Variants in ZNF562 observed in about 807,000 individuals in gnomAD.
ZNF562 encodes the protein zinc finger protein 562.
ZNF562 carries 13 observed loss-of-function variants against 17.5 expected under a neutral mutation model. The observed-to-expected ratio is 0.74, with a 90% CI of 0.48 to 1.18. The LOEUF is 1.18. Among genes scored for constraint, ZNF562 ranks in the 50% most tolerant of loss-of-function variants. ZNF562 has a pLI of 0.00. For missense variants in ZNF562, 481 were observed against 498.5 expected, an observed-to-expected ratio of 0.96 and a Z score of 0.33; for synonymous variants, 163 against 165.4, an observed-to-expected ratio of 0.99 and a Z score of 0.11.
rs149405775 is a variant in ZNF562 at position 9,653,889 on chromosome 19, G to A, written c.349-8C>T. 1.4e-4 allele frequency: 215 copies of A among 1,524,776 alleles called. 1 individual carries two copies. In the African/African-American group the frequency reaches 2.5e-3, roughly 18 times the overall value. The allele number at this position is 1,524,776 out of a possible 1,614,324, so 94.5% of individuals were successfully genotyped here. ...ACTGTAGCTTCTTGTCTGCTGATGA[G>A]GGGATAAAGGATTTAAAATGTTTTC... On this transcript the variant is annotated splice_polypyrimidine_tract_variant and splice_region_variant and intron_variant, in intron 5 of 5. Coordinates refer to ENST00000453372, the MANE Select transcript of ZNF562 (RefSeq NM_001130031.2).
chr19:9,669,728 G>GTGCACA (rs1555699512), intron 1 of ZNF562, among the ~76,000 whole-genome samples: 1 of 84,808 alleles, frequency 1.2e-5, no homozygotes, highest in African/African-American at 4.6e-5. Context: ...GCGCGCGCGC[G>GTGCACA]CGCGCGCACA....
rs947492856 is a variant in ZNF562, at chr19:9,644,090, T to C, written c.*8859A>G. The C allele has an allele frequency of 2.0e-5, 3 of 152,062 alleles. No homozygotes were observed. Among genetic ancestry groups the C allele is most frequent in the Non-Finnish European group, 2.9e-5 (2 of 67,994 alleles). 9.4% of individuals were successfully genotyped at this position (152,062 alleles called of 1,614,324 possible). A position where few individuals can be genotyped will look rare whatever the true frequency, so the allele number is the denominator to read the frequency against. On this transcript the variant is annotated 3_prime_UTR_variant, in exon 6 of 6. Coordinates refer to ENST00000453372, the MANE Select transcript of ZNF562 (RefSeq NM_001130031.2). ...TTACAGGCATGTGAGCCACCGTACC[T>C]GGCTTACTTAGTGAATTTGTACCAA...
intron 5 of ZNF562, 94 bp downstream of exon 5, chr19:9,656,453 G>A: frequency 1.4e-6 from 2 of 1,392,792 alleles, no homozygotes; most frequent in Non-Finnish European, 2.0e-6. Context: ...AGGTTGCGGT[G>A]AGCTGAGATG....
In ZNF562 at chr19:9,653,048, G is replaced by A; in HGVS notation, c.1182C>T (p.His394=). Reference sequence around the variant, plus strand: ...CACATTCATAAGGCTTCTCTCCTGTGTGAATTCTTCTATGTTGAGTAAGCG... The same window carrying A: ...CACATTCATAAGGCTTCTCTCCTGTATGAATTCTTCTATGTTGAGTAAGCG... ...SSTLTQHRRI[H]TGEKPYECVE... is the part of the protein sequence containing the mutation. Residue 394 remains histidine (H), a synonymous_variant, in exon 6 of 6, where the codon CAC becomes CAT. Transcript: ENST00000453372. 5 of 1,599,154 alleles carry A rather than the reference G, an allele frequency of 3.1e-6. No homozygotes were observed. The highest frequency in any genetic ancestry group is 3.4e-6 in the Non-Finnish European group (4 of 1,172,546).
rs2043447309 is a variant in ZNF562, at chr19:9,655,717, C to CTTTCTTTTTTT, written c.348+829_348+830insAAAAAAAGAAA. Among the ~76,000 whole-genome samples the CTTTCTTTTTTT allele has an allele frequency of 2.3e-4, 11 of 48,686 alleles. 2 individuals carry two copies. The highest frequency in any genetic ancestry group is 8.1e-4 in the African/African-American group (10 of 12,310). The allele number at this position is 48,686 out of a possible 152,430, so 31.9% of individuals were successfully genotyped here. On this transcript the variant is annotated intron_variant, in intron 5 of 5. Coordinates refer to ENST00000453372, the MANE Select transcript of ZNF562 (RefSeq NM_001130031.2). ...TTACAGGATTCACTTTCTTTTCTTTCTTTTTTTTTTTTTTTTTTTTTTTTT... is the reference window on the plus strand; with the variant it reads ...TTACAGGATTCACTTTCTTTTCTTTCTTTCTTTTTTTTTTTTTTTTTTTTTTTTTTTTTTTT...
chr19:9,658,472 C>T (rs2043606095), intron 3 of ZNF562: 1 of 369,314 alleles, frequency 2.7e-6, no homozygotes, highest in African/African-American at 2.2e-5. Flanking sequence ...GCCTCAGCCT[C>T]CCAAGTAGAT....
chr19:9,667,563 G>C (rs575252186), intron 1 of ZNF562, among the ~76,000 whole-genome samples: 1 of 152,178 alleles, frequency 6.6e-6, no homozygotes, highest in South Asian at 2.1e-4. Context: ...AACTAAAAAA[G>C]AAGTCAAATT....
Position 9,660,751 on chromosome 19 carries a change from A to T in ZNF562, c.-7T>A. On this transcript the variant is annotated 5_prime_UTR_variant, in exon 2 of 6. Transcript: ENST00000453372. ...ACATATCAAAGGCTGACATCCTCTGAAGCTGATGGTGAGATGTGCCTCAAT... is the reference window on the plus strand; with the variant it reads ...ACATATCAAAGGCTGACATCCTCTGTAGCTGATGGTGAGATGTGCCTCAAT... 1 of 1,613,600 alleles carries T rather than the reference A, an allele frequency of 6.2e-7. No individual in the cohort carries two copies. Among genetic ancestry groups the T allele is most frequent in the Non-Finnish European group, 8.5e-7 (1 of 1,179,720 alleles).
intron 1 of ZNF562, among the ~76,000 whole-genome samples, chr19:9,669,715 CG>C (rs2044081823): frequency 3.5e-5 from 4 of 114,652 alleles, no homozygotes; most frequent in African/African-American, 1.2e-4. Context: ...TGCACGCGCG[CG>C]AGCGCGCGCG....
chr19:9,668,964 C>G (rs1266908947), intron 1 of ZNF562, among the ~76,000 whole-genome samples: 1 of 151,110 alleles, frequency 6.6e-6, no homozygotes, highest in Non-Finnish European at 1.5e-5. Flanking sequence ...AAAAAAAAGT[C>G]AAAACAGATT....
rs975740997 is a variant in ZNF562 at position 9,651,796 on chromosome 19, A to G, written c.*1153T>C. 1.3e-4 allele frequency: 20 copies of G among 151,166 alleles called. No homozygotes were observed. Among genetic ancestry groups the G allele is most frequent in the African/African-American group, 4.7e-4 (19 of 40,734 alleles). 9.4% of individuals were successfully genotyped at this position (151,166 alleles called of 1,614,324 possible). ...TATCACAGGCTTACTGTCAATAAAT[A>G]TGTGGGTCAAACTCTGTTCAAGCTC... On this transcript the variant is annotated 3_prime_UTR_variant, in exon 6 of 6. Coordinates refer to ENST00000453372, the MANE Select transcript of ZNF562 (RefSeq NM_001130031.2).
At position 9,652,773 on chromosome 19, in the gene ZNF562, C is replaced by T. The variant is rs190855530; in HGVS notation, c.*176G>A. ...CAACCAATGGGCTAAATGGTAACAA[C>T]ACTCATATCCTTACATTCATAGTAT... On this transcript the variant is annotated 3_prime_UTR_variant, in exon 6 of 6. Transcript: ENST00000453372. 5 of 536,854 alleles carry T rather than the reference C, an allele frequency of 9.3e-6. No individual in the cohort carries two copies. In the East Asian group the frequency reaches 1.3e-4, roughly 13 times the overall value. The allele number at this position is 536,854 out of a possible 1,614,324, so 33.3% of individuals were successfully genotyped here. A position where few individuals can be genotyped will look rare whatever the true frequency, so the allele number is the denominator to read the frequency against.
rs1041429985 is a variant in ZNF562, at chr19:9,642,488, G to A, written c.*10461C>T. ...GAAGAGATCTCTCTATGTTGCCTAG[G>A]CTGCCCTCAAACTCCTGAGCTCAAG... On this transcript the variant is annotated 3_prime_UTR_variant, in exon 6 of 6. Transcript: ENST00000453372. 1 of 151,850 alleles carries A rather than the reference G, an allele frequency of 6.6e-6. No individual in the cohort carries two copies. The highest frequency in any genetic ancestry group is 2.4e-5 in the African/African-American group (1 of 41,316). 9.4% of individuals were successfully genotyped at this position (151,850 alleles called of 1,614,324 possible). A position where few individuals can be genotyped will look rare whatever the true frequency, so the allele number is the denominator to read the frequency against.
Position 9,649,338 on chromosome 19 carries a change from G to T in ZNF562, c.*3611C>A, listed in dbSNP as rs1245485821. The T allele has an allele frequency of 6.6e-6, 1 of 152,106 alleles. No homozygotes were observed. The highest frequency in any genetic ancestry group is 2.4e-5 in the African/African-American group (1 of 41,422). The allele number at this position is 152,106 out of a possible 1,614,324, so 9.4% of individuals were successfully genotyped here. On this transcript the variant is annotated 3_prime_UTR_variant, in exon 6 of 6. Transcript: ENST00000453372. ...TGTGTTTGAGCAATATGAAATCTGG[G>T]CACCTTGAAAAAAGAACAGGATAAC...
intron 1 of ZNF562, among the ~76,000 whole-genome samples, chr19:9,664,004 C>T (rs892413344): frequency 2.0e-5 from 3 of 152,174 alleles, no homozygotes; most frequent in African/African-American, 4.8e-5. Context: ...ATCTGCCTGC[C>T]TTGGCCTCCC....
chr19:9,644,642 G>C lies in ZNF562; in HGVS notation c.*8307C>G, dbSNP rs999370639. The C allele has an allele frequency of 1.3e-5, 2 of 152,266 alleles. No individual in the cohort carries two copies. The highest frequency in any genetic ancestry group is 3.9e-4 in the East Asian group (2 of 5,190). The allele number at this position is 152,266 out of a possible 1,614,324, so 9.4% of individuals were successfully genotyped here. On this transcript the variant is annotated 3_prime_UTR_variant, in exon 6 of 6. Transcript: ENST00000453372. ...CAGAAGGCAAGAGAGCCTGTCCAGG[G>C]GAACAGCTGCTTATAAAACTGACAG...
At chr19:9,659,160 G>T (rs538355867) in intron 3 of ZNF562, among the ~76,000 whole-genome samples, 2 of 152,228 alleles carry the variant, frequency 1.3e-5, no homozygotes, top group Non-Finnish European at 2.9e-5. Flanking sequence ...TGAAGGTCAA[G>T]CTTAAGTAGT....
At position 9,669,738 on chromosome 19, in the gene ZNF562, A is replaced by G. The variant is rs868566345; in HGVS notation, c.-131+5277T>C. Among the ~76,000 whole-genome samples the G allele has an allele frequency of 9.4e-3, 916 of 97,822 alleles. 3 individuals are homozygous for G. Among genetic ancestry groups the G allele is most frequent in the African/African-American group, 0.012 (330 of 27,386 alleles). 64.2% of individuals were successfully genotyped at this position (97,822 alleles called of 152,430 possible). A position where few individuals can be genotyped will look rare whatever the true frequency, so the allele number is the denominator to read the frequency against. ...CGCGAGCGCGCGCGCGCGCGCGCAC[A>G]CACACACACACACACACACACACAC... On this transcript the variant is annotated intron_variant, in intron 1 of 5. Transcript: ENST00000453372.
intron 5 of ZNF562, among the ~76,000 whole-genome samples, chr19:9,654,640 G>A (rs1399242430): frequency 1.3e-5 from 2 of 151,954 alleles, no homozygotes; most frequent in East Asian, 3.9e-4. Flanking sequence ...CTACAGATGG[G>A]ACTTCATCAT....
Sources: allele counts gnomAD v4.1 joint callset (sites outside exome capture counted in the v4.1 genomes callset), GRCh38; gene constraint gnomAD v4.1.1; transcripts MANE v1.5; gene names NCBI Gene and HGNC (gene_info 2026-07-23, HGNC 2026-07-21).